Variants in PDZD2 observed in about 807,000 individuals in gnomAD.
PDZD2 encodes the protein PDZ domain containing 2.
PDZD2 carries 90 observed loss-of-function variants against 220.7 expected under a neutral mutation model. The ratio of observed to expected loss-of-function variants is 0.41; its 90% CI spans 0.34 to 0.49. The LOEUF (loss-of-function observed/expected upper bound fraction) is 0.49. Among genes scored for constraint, PDZD2 ranks in the 20% least tolerant of loss-of-function variants. The probability of loss-of-function intolerance (pLI) is 0.28; values close to 1 mark genes in which losing one functional copy is unlikely to be tolerated. For synonymous variants in PDZD2, 1,375 were observed against 1,450.5 expected (o/e 0.95, Z 1.18); for missense variants, 3,174 against 3,608.5 (o/e 0.88, Z 3.08).
chr5:31,849,376 G>A (rs536444977), intron 2 of PDZD2, among the ~76,000 whole-genome samples: 28 of 150,674 alleles, frequency 1.9e-4, no homozygotes, highest in African/African-American at 6.8e-4. Context: ...ACTTCACAGG[G>A]CTACTGCAAA....
chr5:32,010,228 T>G, intron 5 of PDZD2, 102 bp from the exon 6 acceptor site: 1 of 761,830 alleles, frequency 1.3e-6, no homozygotes, highest in Non-Finnish European at 2.2e-6. Flanking sequence ...CCATGTAGTC[T>G]TTGGTTTGGG....
intron 2 of PDZD2, among the ~76,000 whole-genome samples, chr5:31,952,353 A>G (rs1747256048): frequency 1.3e-5 from 2 of 152,226 alleles, no homozygotes; most frequent in African/African-American, 4.8e-5. Context: ...CCTTTGATTT[A>G]TGATCTGGTA....
chr5:31,866,116 C>T (rs1263469845), intron 2 of PDZD2, among the ~76,000 whole-genome samples: 2 of 152,032 alleles, frequency 1.3e-5, no homozygotes, highest in East Asian at 3.9e-4. Flanking sequence ...GTTCTCCCAC[C>T]TCAGCCTCAC....
At chr5:31,908,082 CAAAAAAAA>C (rs55741622) in intron 2 of PDZD2, among the ~76,000 whole-genome samples, 71 of 76,894 alleles carry the variant, frequency 9.2e-4, no homozygotes, top group African/African-American at 2.7e-3. Flanking sequence ...GGCTCCGTCT[CAAAAAAAA>C]AAAAAAAAAA....
At chr5:31,695,155 TA>T (rs1265988977) in intron 1 of PDZD2, among the ~76,000 whole-genome samples, 1 of 151,818 alleles carries the variant, frequency 6.6e-6, no homozygotes, top group Non-Finnish European at 1.5e-5. Flanking sequence ...AGTAAAGGAA[TA>T]AAGAACGGCT....
chr5:32,021,053 TG>T (rs1044449294), intron 6 of PDZD2, among the ~76,000 whole-genome samples: 47 of 137,476 alleles, frequency 3.4e-4, no homozygotes, highest in African/African-American at 1.4e-3. Flanking sequence ...ATTGAAGACT[TG>T]GAATTTTTTT....
rs1015396595 is a variant in PDZD2, at chr5:31,989,084, G to T, written c.978+5428G>T. On this transcript the variant is annotated intron_variant, in intron 3 of 24. Transcript: ENST00000438447. ...TGTTTTATATATTTGGGGGATGGAG[G>T]TGCAGATTTCTTCAACACATATATT... is the stretch of plus-strand genomic sequence containing the variant. Among the ~76,000 whole-genome samples, 5 of 152,180 alleles carry T rather than the reference G, an allele frequency of 3.3e-5. No homozygotes were observed. In the South Asian group the frequency reaches 1.0e-3, roughly 32 times the overall value.
intron 1 of PDZD2, among the ~76,000 whole-genome samples, chr5:31,685,074 CTGTT>C (rs906338141): frequency 3.6e-4 from 55 of 152,288 alleles, no homozygotes; most frequent in African/African-American, 1.2e-3. Context: ...ATTGCCCTCT[CTGTT>C]TGTTCTCCAT....
chr5:31,915,858 C>A (rs1446866107), intron 2 of PDZD2, among the ~76,000 whole-genome samples: 5 of 152,258 alleles, frequency 3.3e-5, no homozygotes, highest in Admixed American at 6.5e-5. Context: ...TTACAGTGTA[C>A]CTACAGAGCG....
At chr5:32,018,135 T>C (rs1753914704) in intron 6 of PDZD2, among the ~76,000 whole-genome samples, 1 of 152,224 alleles carries the variant, frequency 6.6e-6, no homozygotes, top group Non-Finnish European at 1.5e-5. Context: ...GAAGGATCAC[T>C]GTTTATGCAA....
intron 2 of PDZD2, among the ~76,000 whole-genome samples, chr5:31,929,977 G>T (rs984196244): frequency 6.6e-6 from 1 of 150,846 alleles, no homozygotes; most frequent in East Asian, 1.9e-4. Flanking sequence ...TTAATGCGAG[G>T]TCAGGTTGTG....
chr5:31,779,530 C>T (rs935796584), intron 1 of PDZD2, among the ~76,000 whole-genome samples: 18 of 151,982 alleles, frequency 1.2e-4, no homozygotes, highest in Admixed American at 1.0e-3. Context: ...CCCGCCACCA[C>T]GCCCGGCTAA....
intron 1 of PDZD2, among the ~76,000 whole-genome samples, chr5:31,654,750 A>G (rs1000417358): frequency 5.3e-5 from 8 of 152,116 alleles, no homozygotes; most frequent in Admixed American, 5.2e-4. Flanking sequence ...GGAATCTCCC[A>G]GTTGCTGTTG....
At chr5:31,972,003 CTT>C (rs1457831689) in intron 2 of PDZD2, among the ~76,000 whole-genome samples, 5 of 152,240 alleles carry the variant, frequency 3.3e-5, no homozygotes, top group African/African-American at 1.2e-4. Flanking sequence ...ACGGCCAACT[CTT>C]TGCCTTCTTC....
chr5:31,799,997 C>T (rs1170325100), intron 2 of PDZD2, among the ~76,000 whole-genome samples: 1 of 152,132 alleles, frequency 6.6e-6, no homozygotes, highest in African/African-American at 2.4e-5. Flanking sequence ...AGAAGCCCCA[C>T]CCTGGAAGAT....
intron 24 of PDZD2, among the ~76,000 whole-genome samples, chr5:32,106,961 C>T (rs1744824833): frequency 6.6e-6 from 1 of 152,186 alleles, no homozygotes; most frequent in Admixed American, 6.5e-5. Context: ...GGATTTCTTC[C>T]AAGCTGTATT....
At chr5:32,004,179 G>T (rs1290849829) in intron 5 of PDZD2, among the ~76,000 whole-genome samples, 3 of 152,148 alleles carry the variant, frequency 2.0e-5, no homozygotes, top group African/African-American at 7.2e-5. Context: ...CCTCGATGAT[G>T]CCTGCTCCCT....
intron 2 of PDZD2, among the ~76,000 whole-genome samples, chr5:31,946,074 C>T (rs545134552): frequency 3.3e-5 from 5 of 152,326 alleles, no homozygotes; most frequent in East Asian, 1.9e-4. Flanking sequence ...ACGATCCCGG[C>T]GCACTGCAAC....
intron 1 of PDZD2, among the ~76,000 whole-genome samples, chr5:31,720,854 G>A (rs1281127239): frequency 6.6e-6 from 1 of 152,192 alleles, no homozygotes; most frequent in Non-Finnish European, 1.5e-5. Flanking sequence ...TTACACAAAG[G>A]TTGGGGAGAA....
Sources: gnomAD v4.1 joint callset for allele counts (sites outside exome capture counted in the v4.1 genomes callset) on GRCh38, gnomAD v4.1.1 for gene constraint, MANE v1.5 for transcripts, NCBI Gene and HGNC (gene_info 2026-07-23, HGNC 2026-07-21) for gene names.